NCR1: variants seen among roughly 807,000 people sequenced by gnomAD.
The protein encoded by NCR1 is natural cytotoxicity triggering receptor 1, also known as NK cell-activating receptor.
Under a neutral mutation model 32.5 loss-of-function variants are expected in NCR1, and 30 were observed. The ratio of observed to expected loss-of-function variants is 0.92; its 90% CI spans 0.69 to 1.25. The LOEUF (loss-of-function observed/expected upper bound fraction) is 1.25. Ranked by LOEUF, NCR1 falls within the 50% of genes most tolerant of loss-of-function variation. The pLI is 0.00. For synonymous variants in NCR1, 169 were observed against 143.4 expected (o/e 1.18, Z -1.28); for missense variants, 369 against 380.7 (o/e 0.97, Z 0.26).
upstream of NCR1, among the ~76,000 whole-genome samples, chr19:54,903,343 CAT>C (rs917627256): frequency 5.5e-5 from 6 of 109,884 alleles, no homozygotes; most frequent in Non-Finnish European, 7.1e-5. Flanking sequence ...TATGTATATA[CAT>C]ATATGCATAT....
chr19:54,919,723 C>G (rs546005181), downstream of NCR1, among the ~76,000 whole-genome samples: 10 of 148,012 alleles, frequency 6.8e-5, no homozygotes, highest in Middle Eastern at 3.5e-3. Flanking sequence ...GACCCCCCCC[C>G]CCACCCGCTG....
intron 3 of NCR1, among the ~76,000 whole-genome samples, chr19:54,907,232 T>C (rs2067679331): frequency 6.6e-6 from 1 of 151,270 alleles, no homozygotes; most frequent in Non-Finnish European, 1.5e-5. Context: ...CTCCAGTCAC[T>C]GCAACCTCCA....
chr19:54,936,533 A>G, the NCR1 span: 1 of 1,075,030 alleles, frequency 9.3e-7, no homozygotes, highest in Non-Finnish European at 1.4e-6. Flanking sequence ...AATTATTAGA[A>G]GTTCTTGGCC....
At chr19:54,924,762 C>T in the NCR1 span, among the ~76,000 whole-genome samples, 24 of 152,174 alleles carry the variant, frequency 1.6e-4, no homozygotes, top group East Asian at 1.2e-3. Flanking sequence ...ATAGTGAAAC[C>T]CCGTCTCTAC....
At chr19:54,903,522 GTA>G (rs1556716703), upstream of NCR1, among the ~76,000 whole-genome samples, 1 of 130,484 alleles carries the variant, frequency 7.7e-6, no homozygotes, top group Non-Finnish European at 1.7e-5. Flanking sequence ...ATACATGTGT[GTA>G]TACATATATA....
chr19:54,934,595 G>C, the NCR1 span: 2 of 1,614,112 alleles, frequency 1.2e-6, no homozygotes, highest in Admixed American at 1.7e-5. This position sits in a 1 kb window ranked among gnomAD's most constrained non-coding sequence, Gnocchi z 6.7. Context: ...TTCAGGGACT[G>C]GTTGGCTTTG....
chr19:54,905,431 G>A (rs1390990984), upstream of NCR1, among the ~76,000 whole-genome samples: 4 of 151,860 alleles, frequency 2.6e-5, no homozygotes, highest in African/African-American at 9.7e-5. Context: ...CAGAGAGTCC[G>A]GTTACCTTTT....
At chr19:54,901,550 T>G (rs2067302565), upstream of NCR1, among the ~76,000 whole-genome samples, 1 of 151,704 alleles carries the variant, frequency 6.6e-6, no homozygotes. Context: ...ACACCTGTAA[T>G]CCCAATACCT....
chr19:54,934,554 C>A, the NCR1 span: 11 of 1,614,144 alleles, frequency 6.8e-6, no homozygotes, highest in South Asian at 1.2e-4. The surrounding 1 kb of genome is among the most constrained non-coding windows in gnomAD (Gnocchi z 6.7). Flanking sequence ...CACCCTCATC[C>A]AGGAGCACAT....
the NCR1 span, among the ~76,000 whole-genome samples, chr19:54,900,562 G>C: frequency 3.9e-5 from 6 of 152,114 alleles, no homozygotes; most frequent in African/African-American, 1.4e-4. Context: ...GCCACAGGGG[G>C]ATATGATGGC....
At chr19:54,909,634 G>A (rs1034747894) in intron 4 of NCR1, 111 bp downstream of exon 4, 1 of 1,343,438 alleles carries the variant, frequency 7.4e-7, no homozygotes, top group Admixed American at 2.5e-5. Flanking sequence ...CACTTCCTGG[G>A]TGCCTGGTTG....
chr19:54,923,856 T>C, the NCR1 span: 4 of 1,614,032 alleles, frequency 2.5e-6, no homozygotes, highest in African/African-American at 5.3e-5. Context: ...TCCAAATTAG[T>C]TTCATAGGTC....
intron 2 of NCR1, 37 bp downstream of exon 2, chr19:54,906,371 G>A (rs587763731): frequency 5.6e-6 from 9 of 1,611,162 alleles, no homozygotes; most frequent in Middle Eastern, 1.7e-4. Context: ...TCACTCTTCC[G>A]GATTCAGGCC....
the NCR1 span, chr19:54,927,518 T>G: frequency 7.4e-7 from 1 of 1,357,316 alleles, no homozygotes; most frequent in African/African-American, 1.4e-5. Flanking sequence ...ATTGCGCCAC[T>G]GCACTCCAGC....
chr19:54,927,845 A>G, the NCR1 span: 1 of 1,413,408 alleles, frequency 7.1e-7, no homozygotes. Context: ...TAATCCCAAC[A>G]CTTCGGGAGG....
At position 54,912,956 on chromosome 19, in the gene NCR1, C is replaced by A; in HGVS notation, c.*85C>A. 1 of 1,328,082 alleles carries A rather than the reference C, an allele frequency of 7.5e-7. No individual in the cohort carries two copies. The highest frequency in any genetic ancestry group is 1.0e-6 in the Non-Finnish European group (1 of 970,596). 82.3% of individuals were successfully genotyped at this position (1,328,082 alleles called of 1,614,324 possible). ...CGGCGTGAGCTCTGTGTTGGACCCA[C>A]GGAGGAGGGAGTCACTGCAGGGAAA... On this transcript the variant is annotated 3_prime_UTR_variant, in exon 7 of 7. Coordinates refer to ENST00000291890, the MANE Select transcript of NCR1 (RefSeq NM_004829.7).
At chr19:54,916,590 G>A (rs1415081175), downstream of NCR1, among the ~76,000 whole-genome samples, 1 of 151,222 alleles carries the variant, frequency 6.6e-6, no homozygotes, top group Non-Finnish European at 1.5e-5. Context: ...GATTACAGAC[G>A]TGAGCCACCA....
the NCR1 span, among the ~76,000 whole-genome samples, chr19:54,928,453 G>T: frequency 0.38 from 58,175 of 151,752 alleles, 11,412 homozygotes; most frequent in East Asian, 0.66. Context: ...AGTGAGGAAA[G>T]GCAGAGGGGA....
chr19:54,924,822 G>A, the NCR1 span, among the ~76,000 whole-genome samples: 2 of 152,112 alleles, frequency 1.3e-5, no homozygotes, highest in Non-Finnish European at 2.9e-5. Context: ...TGTAATACCA[G>A]CTACTCAGGA....
Sources: gnomAD v4.1 joint callset for allele counts (sites outside exome capture counted in the v4.1 genomes callset) on GRCh38, gnomAD v4.1.1 for gene constraint, Gnocchi (gnomAD v3.1) non-coding constraint, MANE v1.5 for transcripts, NCBI Gene and HGNC (gene_info 2026-07-23, HGNC 2026-07-21) for gene names.